KANSL1L: variants seen among roughly 807,000 people sequenced by gnomAD.
KANSL1L encodes the protein KAT8 regulatory NSL complex subunit 1-like protein.
A neutral mutation model predicts 108.6 loss-of-function variants in KANSL1L; 25 were observed. That is an observed-to-expected ratio of 0.23 (90% CI 0.17 to 0.32). The LOEUF (loss-of-function observed/expected upper bound fraction) is 0.32. Among genes scored for constraint, KANSL1L ranks in the 10% least tolerant of loss-of-function variants. The probability of loss-of-function intolerance (pLI) is 1.00; values close to 1 mark genes in which losing one functional copy is unlikely to be tolerated. For missense variants in KANSL1L, 1,137 were observed against 1,125.7 expected, an observed-to-expected ratio of 1.01 and a Z score of -0.14; for synonymous variants, 405 against 395.1, an observed-to-expected ratio of 1.03 and a Z score of -0.30.
chr2:210,073,774 AACACAC>A (rs372708042), intron 6 of KANSL1L, among the ~76,000 whole-genome samples: 1,526 of 141,992 alleles, frequency 0.011, 23 homozygotes, highest in South Asian at 0.04. Context: ...GAAACACACA[AACACAC>A]ACACACACAC....
intron 1 of KANSL1L, among the ~76,000 whole-genome samples, chr2:210,156,262 T>G (rs2095332467): frequency 6.6e-6 from 1 of 152,086 alleles, no homozygotes; most frequent in Non-Finnish European, 1.5e-5. Flanking sequence ...TTTTTTTTTC[T>G]GAAAACATCA....
chr2:210,029,791 G>T lies in KANSL1L; in HGVS notation c.2271+12C>A. The stretch of plus-strand genomic sequence containing the variant: ...AAAGCTATTTTAGAGTTCAACATAT[G>T]GAAAAACCTACTCGTGATGAATTCT... On this transcript the variant is annotated intron_variant, in intron 10 of 14. Coordinates refer to ENST00000281772, the MANE Select transcript of KANSL1L (RefSeq NM_152519.4). The T allele has an allele frequency of 7.2e-7, 1 of 1,380,336 alleles. No individual in the cohort carries two copies. The allele number at this position is 1,380,336 out of a possible 1,614,324, so 85.5% of individuals were successfully genotyped here. A position where few individuals can be genotyped will look rare whatever the true frequency, so the allele number is the denominator to read the frequency against.
rs976417813 is a variant in KANSL1L at position 210,040,229 on chromosome 2, T to G, written c.2029+191A>C. 1.7e-5 allele frequency: 8 copies of G among 470,472 alleles called. No homozygotes were observed. In the East Asian group the frequency reaches 2.7e-4, roughly 16 times the overall value. The allele number at this position is 470,472 out of a possible 1,614,324, so 29.1% of individuals were successfully genotyped here. A position where few individuals can be genotyped will look rare whatever the true frequency, so the allele number is the denominator to read the frequency against. Reference sequence around the variant, plus strand: ...GTAATAGTTCATAATTACAATTCAATAGGTATCGCACATTTCATGTTAAGA... The same window carrying G: ...GTAATAGTTCATAATTACAATTCAAGAGGTATCGCACATTTCATGTTAAGA... On this transcript the variant is annotated intron_variant, in intron 8 of 14. Coordinates refer to ENST00000281772, the MANE Select transcript of KANSL1L (RefSeq NM_152519.4).
At position 210,095,466 on chromosome 2, in the gene KANSL1L, G is replaced by A. The variant is rs564568401; in HGVS notation, c.1550+2620C>T. On this transcript the variant is annotated intron_variant, in intron 5 of 14. Coordinates refer to ENST00000281772, the MANE Select transcript of KANSL1L (RefSeq NM_152519.4). ...ATTTTCAGTACTCTCTTTGGCATACGAAACAATAGACCACGTTTCCTCAAA... is the reference window on the plus strand; with the variant it reads ...ATTTTCAGTACTCTCTTTGGCATACAAAACAATAGACCACGTTTCCTCAAA... Among the ~76,000 whole-genome samples, 8 of 152,130 alleles carry A rather than the reference G, an allele frequency of 5.3e-5. No homozygotes were observed. In the South Asian group the frequency reaches 1.0e-3, roughly 20 times the overall value.
intron 2 of KANSL1L, among the ~76,000 whole-genome samples, chr2:210,135,158 A>G (rs1273397123): frequency 6.6e-6 from 1 of 152,122 alleles, no homozygotes; most frequent in African/African-American, 2.4e-5. Context: ...ACCATCATAC[A>G]AGAAGCAAGA....
At chr2:210,042,740 ATTAT>A (rs1197504580) in intron 7 of KANSL1L, among the ~76,000 whole-genome samples, 1 of 152,214 alleles carries the variant, frequency 6.6e-6, no homozygotes, top group Non-Finnish European at 1.5e-5. Flanking sequence ...TATATGGATT[ATTAT>A]TTTATCATAT....
intron 6 of KANSL1L, among the ~76,000 whole-genome samples, chr2:210,065,290 CAAAAAAAAA>C (rs60860386): frequency 1.9e-5 from 1 of 53,268 alleles, no homozygotes; most frequent in Admixed American, 3.5e-4. Flanking sequence ...GACTCTGTCT[CAAAAAAAAA>C]AAAAAAAAAA....
intron 2 of KANSL1L, among the ~76,000 whole-genome samples, chr2:210,141,275 A>G (rs998527217): frequency 3.3e-5 from 5 of 150,812 alleles, no homozygotes; most frequent in African/African-American, 9.8e-5. Flanking sequence ...CAATTCCAGT[A>G]TATGTTGAAT....
chr2:210,145,905 G>C (rs551926153), intron 2 of KANSL1L, among the ~76,000 whole-genome samples: 3 of 152,208 alleles, frequency 2.0e-5, no homozygotes, highest in Admixed American at 1.3e-4. Context: ...GGACATGTAT[G>C]GGGCAGTGGA....
chr2:210,132,990 T>A (rs1052496062), intron 2 of KANSL1L, among the ~76,000 whole-genome samples: 1 of 152,170 alleles, frequency 6.6e-6, no homozygotes, highest in African/African-American at 2.4e-5. Flanking sequence ...AACGTAAGGT[T>A]TTTCAGGTTT....
chr2:210,129,225 C>T, intron 2 of KANSL1L, 53 bp from the exon 3 acceptor site: 1 of 1,473,696 alleles, frequency 6.8e-7, no homozygotes. Flanking sequence ...TCAAGTTTCA[C>T]AAACACTGCT....
intron 2 of KANSL1L, among the ~76,000 whole-genome samples, chr2:210,146,390 C>T (rs918713050): frequency 2.0e-5 from 3 of 152,176 alleles, no homozygotes; most frequent in Non-Finnish European, 4.4e-5. Flanking sequence ...TATCACTCAG[C>T]TTAGCTGTGC....
At chr2:210,132,622 C>T (rs1405654948) in intron 2 of KANSL1L, among the ~76,000 whole-genome samples, 2 of 152,182 alleles carry the variant, frequency 1.3e-5, no homozygotes, top group Admixed American at 6.5e-5. Context: ...TCTCTTGGTA[C>T]TAACTGTCAA....
chr2:210,031,639 A>AAGAT (rs1370058841), intron 8 of KANSL1L, 93 bp from the exon 9 acceptor site: 7 of 739,522 alleles, frequency 9.5e-6, no homozygotes, highest in Non-Finnish European at 1.4e-5. Flanking sequence ...GCAGAATTTT[A>AAGAT]AGATACCAGT....
intron 3 of KANSL1L, among the ~76,000 whole-genome samples, chr2:210,111,401 T>G (rs1183421628): frequency 6.6e-6 from 1 of 152,150 alleles, no homozygotes; most frequent in African/African-American, 2.4e-5. Context: ...TAATGTTTTA[T>G]TATTTGACTT....
At chr2:210,052,590 A>G (rs867392840) in intron 6 of KANSL1L, among the ~76,000 whole-genome samples, 2 of 152,176 alleles carry the variant, frequency 1.3e-5, no homozygotes, top group Non-Finnish European at 2.9e-5. Context: ...TGACTCTCCT[A>G]TCTAAAATAA....
At chr2:210,141,417 T>C (rs1478221237) in intron 2 of KANSL1L, among the ~76,000 whole-genome samples, 3 of 152,046 alleles carry the variant, frequency 2.0e-5, no homozygotes, top group African/African-American at 7.2e-5. Flanking sequence ...GCTCCACCTT[T>C]ATCATGAGAT....
At chr2:210,134,002 G>A (rs549029282) in intron 2 of KANSL1L, among the ~76,000 whole-genome samples, 10 of 152,146 alleles carry the variant, frequency 6.6e-5, no homozygotes, top group Admixed American at 2.0e-4. Flanking sequence ...ATCTGGAAAT[G>A]TCATTTTGTC....
At chr2:210,061,396 T>G (rs1422240756) in intron 6 of KANSL1L, among the ~76,000 whole-genome samples, 7 of 152,130 alleles carry the variant, frequency 4.6e-5, no homozygotes, top group Non-Finnish European at 1.0e-4. Flanking sequence ...ATCAATAGTA[T>G]AGGGCCTAAC....
Sources: allele counts gnomAD v4.1 joint callset (sites outside exome capture counted in the v4.1 genomes callset), GRCh38; gene constraint gnomAD v4.1.1; transcripts MANE v1.5; gene names NCBI Gene and HGNC (gene_info 2026-07-23, HGNC 2026-07-21).